The following NFATC2 variants were observed in gnomAD, a reference collection of about 807,000 sequenced individuals.
NFATC2 encodes the protein nuclear factor of activated T-cells, cytoplasmic 2.
In NFATC2, 22 loss-of-function variants were observed where a neutral mutation model predicts 87.3. The ratio of observed to expected loss-of-function variants is 0.25; its 90% CI spans 0.18 to 0.36. NFATC2 has a LOEUF of 0.36. NFATC2 is among the 10% of genes least tolerant of loss of function. The pLI is 1.00. For missense variants in NFATC2, 1,149 were observed against 1,259.1 expected, an observed-to-expected ratio of 0.91 and a Z score of 1.32; for synonymous variants, 565 against 542.2, an observed-to-expected ratio of 1.04 and a Z score of -0.58.
intron 3 of NFATC2, among the ~76,000 whole-genome samples, chr20:51,506,216 C>T (rs751898204): frequency 1.3e-5 from 2 of 152,178 alleles, no homozygotes; most frequent in Non-Finnish European, 2.9e-5. Context: ...TCATCACTGG[C>T]GATGAGGTGC....
intron 1 of NFATC2, among the ~76,000 whole-genome samples, chr20:51,557,269 C>T (rs1265976715): frequency 6.6e-6 from 1 of 152,052 alleles, no homozygotes; most frequent in East Asian, 1.9e-4. Context: ...AAGATGATCG[C>T]CCTATTATTA....
chr20:51,498,076 G>A (rs1362378708), intron 3 of NFATC2, among the ~76,000 whole-genome samples: 1 of 152,166 alleles, frequency 6.6e-6, no homozygotes, highest in Non-Finnish European at 1.5e-5. Flanking sequence ...CCTCAAGCGA[G>A]CCCAATTCAT....
At chr20:51,425,348 C>T (rs1981631482) in intron 9 of NFATC2, among the ~76,000 whole-genome samples, 1 of 152,220 alleles carries the variant, frequency 6.6e-6, no homozygotes, top group Non-Finnish European at 1.5e-5. Flanking sequence ...GTGAGTTAAA[C>T]CTGCTGCTGG....
chr20:51,478,049 T>A (rs188179891), intron 3 of NFATC2, among the ~76,000 whole-genome samples: 2 of 152,168 alleles, frequency 1.3e-5, no homozygotes, highest in Non-Finnish European at 2.9e-5. Flanking sequence ...AAAGATGGCA[T>A]GCTCATGTCC....
At chr20:51,474,433 T>C (rs182478451) in intron 4 of NFATC2, among the ~76,000 whole-genome samples, 6 of 152,332 alleles carry the variant, frequency 3.9e-5, no homozygotes, top group Admixed American at 6.5e-5. Flanking sequence ...GGACTATTGA[T>C]TGTGGACTAT....
intron 9 of NFATC2, among the ~76,000 whole-genome samples, chr20:51,425,775 C>T (rs111976755): frequency 0.029 from 4,360 of 152,314 alleles, 74 homozygotes; most frequent in Non-Finnish European, 0.043. Context: ...TCTGTTCATT[C>T]CTCCCCCGCC....
At chr20:51,455,624 C>T (rs991353316) in intron 5 of NFATC2, among the ~76,000 whole-genome samples, 1 of 141,042 alleles carries the variant, frequency 7.1e-6, no homozygotes, top group African/African-American at 2.7e-5. Flanking sequence ...AGCATATAAG[C>T]CCAGGAAGGA....
intron 3 of NFATC2, among the ~76,000 whole-genome samples, chr20:51,510,073 C>T (rs1253115608): frequency 6.6e-6 from 1 of 152,210 alleles, no homozygotes; most frequent in African/African-American, 2.4e-5. Flanking sequence ...GAGGTGAGTG[C>T]GACGCTTCCA....
chr20:51,560,109 A>G (rs1412087744), intron 1 of NFATC2, among the ~76,000 whole-genome samples: 1 of 152,232 alleles, frequency 6.6e-6, no homozygotes, highest in Non-Finnish European at 1.5e-5. Flanking sequence ...CATCTTTAAT[A>G]TAACAGGATT....
chr20:51,544,864 G>A (rs993427129), upstream of NFATC2, among the ~76,000 whole-genome samples: 2 of 152,204 alleles, frequency 1.3e-5, no homozygotes, highest in African/African-American at 4.8e-5. Context: ...CTCTACTGCA[G>A]GGGCCTGGGG....
At chr20:51,436,705 A>T (rs1430972235) in intron 6 of NFATC2, among the ~76,000 whole-genome samples, 1 of 136,538 alleles carries the variant, frequency 7.3e-6, no homozygotes, top group Non-Finnish European at 1.6e-5. Flanking sequence ...ACAGAGTGAG[A>T]CTTTGTCTCA....
In NFATC2 at chr20:51,398,687, T is replaced by TCATA; in HGVS notation, c.2762_2765dup (p.Ter922CysfsTer10). ...GATCAAAGATCACAGTCATTCTGTT[T>TCATA]CATAATATGTTTTGTATCCAGCTAA... On this transcript the variant is annotated frameshift_variant and stop_lost, in exon 10 of 11. Coordinates refer to ENST00000371564, the MANE Select transcript of NFATC2 (RefSeq NM_012340.5). LOFTEE classifies it high-confidence loss of function. 6.2e-7 allele frequency: 1 copy of TCATA among 1,613,474 alleles called. No homozygotes were observed. The highest frequency in any genetic ancestry group is 8.5e-7 in the Non-Finnish European group (1 of 1,179,654).
At position 51,469,972 on chromosome 20, in the gene NFATC2, G is replaced by A. The variant is rs116442365; in HGVS notation, c.1708+4008C>T. On this transcript the variant is annotated intron_variant, in intron 5 of 10. Coordinates refer to ENST00000371564, the MANE Select transcript of NFATC2 (RefSeq NM_012340.5). ...AAACTAACATAAGAGGGAAGCAGGCGCCAGCTCTACCCCTGCAGGGAAAGT... is the reference window on the plus strand; with the variant it reads ...AAACTAACATAAGAGGGAAGCAGGCACCAGCTCTACCCCTGCAGGGAAAGT... Among the ~76,000 whole-genome samples, 1,516 of 152,334 alleles carry A rather than the reference G, an allele frequency of 1.0e-2. 33 individuals are homozygous for A. The highest frequency in any genetic ancestry group is 0.034 in the African/African-American group (1,413 of 41,566).
chr20:51,552,477 C>G (rs971628027), intron 1 of NFATC2, among the ~76,000 whole-genome samples: 8 of 152,186 alleles, frequency 5.3e-5, no homozygotes, highest in Admixed American at 5.2e-4. Flanking sequence ...GACTTGCACT[C>G]CAATCTATCA....
chr20:51,412,608 C>T lies in NFATC2; in HGVS notation c.2723-13878G>A, dbSNP rs985964257. 6.6e-5 allele frequency among the ~76,000 whole-genome samples: 10 copies of T among 152,260 alleles called. No homozygotes were observed. The East Asian group carries it at 1.9e-3, about 29-fold the overall frequency. The stretch of plus-strand genomic sequence containing the variant: ...GCCCCGCTGGCCTGGTCGGGAGCAC[C>T]CTGGCCAGGCCAGGATGCAAACACT... On this transcript the variant is annotated intron_variant, in intron 9 of 10. Transcript: ENST00000371564.
chr20:51,501,595 G>T (rs576044826), intron 3 of NFATC2, among the ~76,000 whole-genome samples: 2 of 152,184 alleles, frequency 1.3e-5, no homozygotes, highest in South Asian at 4.2e-4. Context: ...CCATTCAAAC[G>T]GCACCCCTTC....
At chr20:51,468,006 C>A (rs2146487728) in intron 5 of NFATC2, among the ~76,000 whole-genome samples, 1 of 152,316 alleles carries the variant, frequency 6.6e-6, no homozygotes, top group South Asian at 2.1e-4. Context: ...CTGAATAACA[C>A]CATAGCAGTG....
rs548437708 is a variant in NFATC2, at chr20:51,474,672, G to C, written c.1536-520C>G. ...ATGTTAACGCCTGGGAAAGCCGAGG[G>C]GGCAGGATTCAGGAGTTCTTTGTAC... is the stretch of plus-strand genomic sequence containing the variant. On this transcript the variant is annotated intron_variant, in intron 4 of 10. Transcript: ENST00000371564. Among the ~76,000 whole-genome samples, 415 of 152,278 alleles carry C rather than the reference G, an allele frequency of 2.7e-3. 5 individuals are homozygous for C. Among genetic ancestry groups the C allele is most frequent in the Non-Finnish European group, 3.5e-3 (237 of 68,022 alleles).
At chr20:51,410,182 C>T (rs989952085) in intron 9 of NFATC2, among the ~76,000 whole-genome samples, 6 of 141,768 alleles carry the variant, frequency 4.2e-5, no homozygotes, top group Non-Finnish European at 9.0e-5. Flanking sequence ...TGCACTCCAG[C>T]CTGGGCGACA....
Sources: allele counts gnomAD v4.1 joint callset (sites outside exome capture counted in the v4.1 genomes callset), GRCh38; gene constraint gnomAD v4.1.1; transcripts MANE v1.5; gene names NCBI Gene and HGNC (gene_info 2026-07-23, HGNC 2026-07-21).